UQCC5: variants seen among roughly 807,000 people sequenced by gnomAD.
UQCC5 encodes UPF0640 protein C3orf78.
At chr3:52,540,218 CTT>C in the UQCC5 span, among the ~76,000 whole-genome samples, 1 of 152,234 alleles carries the variant, frequency 6.6e-6, no homozygotes, top group African/African-American at 2.4e-5. Context: ...AAGACACTGA[CTT>C]TTACCCTATT....
the UQCC5 span, among the ~76,000 whole-genome samples, chr3:52,538,740 C>T: frequency 1.3e-5 from 2 of 152,136 alleles, no homozygotes; most frequent in African/African-American, 2.4e-5. Context: ...GGATTACAGG[C>T]GTGAGCCACT....
At chr3:52,538,431 A>G in the UQCC5 span, among the ~76,000 whole-genome samples, 75,267 of 152,070 alleles carry the variant, frequency 0.49, 18,896 homozygotes, top group Admixed American at 0.55. Flanking sequence ...GAAGCAAATT[A>G]TGATGGAAGT....
chr3:52,538,303 G>A, the UQCC5 span, among the ~76,000 whole-genome samples: 1 of 152,138 alleles, frequency 6.6e-6, no homozygotes, highest in Non-Finnish European at 1.5e-5. Flanking sequence ...TGAAGGTGCC[G>A]AACACAGGCA....
At chr3:52,537,752 T>C in the UQCC5 span, among the ~76,000 whole-genome samples, 1 of 152,030 alleles carries the variant, frequency 6.6e-6, no homozygotes, top group Non-Finnish European at 1.5e-5. Flanking sequence ...GGGAGGAACA[T>C]AGGACTCTCG....
the UQCC5 span, among the ~76,000 whole-genome samples, chr3:52,539,916 C>T: frequency 4.0e-3 from 616 of 152,312 alleles, 3 homozygotes; most frequent in South Asian, 0.023. Flanking sequence ...GGATTACAGG[C>T]GTGAGCCACT....
chr3:52,538,223 T>C, the UQCC5 span, among the ~76,000 whole-genome samples: 1 of 152,062 alleles, frequency 6.6e-6, no homozygotes, highest in Admixed American at 6.5e-5. Flanking sequence ...GCATGGTGAT[T>C]AAGTGGACTC....
the UQCC5 span, chr3:52,536,683 G>A: frequency 5.9e-6 from 9 of 1,531,344 alleles, no homozygotes; most frequent in African/African-American, 1.2e-4. Context: ...AGAACGGGCG[G>A]GGCGGTCTCG....
At chr3:52,540,269 C>T in the UQCC5 span, among the ~76,000 whole-genome samples, 1 of 152,204 alleles carries the variant, frequency 6.6e-6, no homozygotes, top group Non-Finnish European at 1.5e-5. Flanking sequence ...TCATCTAACT[C>T]AAGTTTTGTT....
At chr3:52,536,628 G>A in the UQCC5 span, 1 of 1,477,060 alleles carries the variant, frequency 6.8e-7, no homozygotes, top group Non-Finnish European at 9.0e-7. Flanking sequence ...CCAGACAGTG[G>A]CGGAGGACGG....
the UQCC5 span, chr3:52,540,847 T>C: frequency 5.9e-6 from 1 of 170,244 alleles, no homozygotes; most frequent in African/African-American, 2.4e-5. Flanking sequence ...CTTATTTACT[T>C]TTTTGCAGAA....
At chr3:52,536,668 C>A in the UQCC5 span, 2 of 1,516,554 alleles carry the variant, frequency 1.3e-6, no homozygotes, top group South Asian at 1.3e-5. Context: ...TCGCGGTACA[C>A]GGCGAGAACG....
the UQCC5 span, chr3:52,537,012 C>A: frequency 6.9e-7 from 1 of 1,438,928 alleles, no homozygotes; most frequent in Non-Finnish European, 9.4e-7. Context: ...GCATTCCACT[C>A]AGAGCGCTGG....
the UQCC5 span, chr3:52,536,885 C>A: frequency 6.4e-7 from 1 of 1,551,574 alleles, no homozygotes; most frequent in Non-Finnish European, 8.7e-7. Context: ...GATTAAAGTG[C>A]GCGTGGGCCA....
chr3:52,536,608 C>G, the UQCC5 span: 1 of 1,455,102 alleles, frequency 6.9e-7, no homozygotes, highest in Non-Finnish European at 9.1e-7. Context: ...TTCCGGCACT[C>G]GTGCGCCTAC....
chr3:52,537,896 G>C, the UQCC5 span, among the ~76,000 whole-genome samples: 1 of 152,210 alleles, frequency 6.6e-6, no homozygotes. Context: ...GCATCTCCAT[G>C]GCAGTGGTAG....
At chr3:52,537,620 G>T in the UQCC5 span, among the ~76,000 whole-genome samples, 1 of 152,178 alleles carries the variant, frequency 6.6e-6, no homozygotes, top group African/African-American at 2.4e-5. Flanking sequence ...TACTTAATGA[G>T]CATTCTTGAG....
the UQCC5 span, among the ~76,000 whole-genome samples, chr3:52,538,345 G>A: frequency 2.0e-5 from 3 of 152,186 alleles, no homozygotes; most frequent in African/African-American, 4.8e-5. Flanking sequence ...GGGACGTGAC[G>A]AGGTAGATAT....
At chr3:52,536,914 A>AG in the UQCC5 span, 25 of 1,551,318 alleles carry the variant, frequency 1.6e-5, no homozygotes, top group African/African-American at 2.3e-4. Flanking sequence ...TCTGTAAGTG[A>AG]GGGGGTAGCA....
the UQCC5 span, among the ~76,000 whole-genome samples, chr3:52,540,090 A>G: frequency 6.6e-6 from 1 of 152,232 alleles, no homozygotes; most frequent in Non-Finnish European, 1.5e-5. Flanking sequence ...GCCTTTGAGG[A>G]GCCAGGTTTT....
Sources: allele counts gnomAD v4.1 joint callset (sites outside exome capture counted in the v4.1 genomes callset), GRCh38; gene constraint gnomAD v4.1.1; transcripts MANE v1.5; gene names NCBI Gene and HGNC (gene_info 2026-07-23, HGNC 2026-07-21).